FBXL7: variants seen among roughly 807,000 people sequenced by gnomAD.
The protein encoded by FBXL7 is F-box/LRR-repeat protein 7.
Under a neutral mutation model 38.3 loss-of-function variants are expected in FBXL7, and 12 were observed. The ratio of observed to expected loss-of-function variants is 0.31; its 90% CI spans 0.20 to 0.51. The LOEUF is 0.51. Ranked by LOEUF, FBXL7 falls within the 20% of genes least tolerant of loss-of-function variation. The pLI is 0.98. For synonymous variants in FBXL7, 297 were observed against 300.9 expected (o/e 0.99, Z 0.13); for missense variants, 567 against 676.4 (o/e 0.84, Z 1.79).
At chr5:15,851,170 A>C (rs1335376350) in intron 2 of FBXL7, among the ~76,000 whole-genome samples, 2 of 152,208 alleles carry the variant, frequency 1.3e-5, no homozygotes, top group Non-Finnish European at 2.9e-5. Flanking sequence ...GTCCGTTCAC[A>C]ATCACTCCTT....
intron 2 of FBXL7, among the ~76,000 whole-genome samples, chr5:15,695,052 G>C (rs1743292320): frequency 6.6e-6 from 1 of 152,202 alleles, no homozygotes; most frequent in African/African-American, 2.4e-5. Flanking sequence ...AGATATTGCT[G>C]CCTGAGTGTC....
intron 2 of FBXL7, among the ~76,000 whole-genome samples, chr5:15,721,437 G>C (rs1217454834): frequency 6.6e-6 from 1 of 152,026 alleles, no homozygotes; most frequent in African/African-American, 2.4e-5. Flanking sequence ...TAGCAAACAA[G>C]GTTTCAAACA....
rs1742273820 is a variant in FBXL7 at position 15,938,959 on chromosome 5, C to T, written c.*1773C>T. ...ATTTTCTTCTCAAAATGCCCATTATCCAAATGCAGAACCTCTGCATCTCCA... is the reference window on the plus strand; with the variant it reads ...ATTTTCTTCTCAAAATGCCCATTATTCAAATGCAGAACCTCTGCATCTCCA... On this transcript the variant is annotated 3_prime_UTR_variant, in exon 4 of 4. Transcript: ENST00000504595. 2.5e-6 allele frequency: 1 copy of T among 399,048 alleles called. No individual in the cohort carries two copies. Among genetic ancestry groups the T allele is most frequent in the Non-Finnish European group, 4.4e-6 (1 of 226,070 alleles). 24.7% of individuals were successfully genotyped at this position (399,048 alleles called of 1,614,324 possible). A position where few individuals can be genotyped will look rare whatever the true frequency, so the allele number is the denominator to read the frequency against.
chr5:15,722,795 T>C (rs1261318324), intron 2 of FBXL7, among the ~76,000 whole-genome samples: 3 of 151,962 alleles, frequency 2.0e-5, no homozygotes, highest in African/African-American at 7.2e-5. Flanking sequence ...TGGTGGTGCA[T>C]GCCTGTAGTC....
At position 15,500,200 on chromosome 5, in the gene FBXL7, T is replaced by C. The variant is rs1176654619; in HGVS notation, c.-477T>C. 6.6e-6 allele frequency: 1 copy of C among 151,912 alleles called. No individual in the cohort carries two copies. Among genetic ancestry groups the C allele is most frequent in the Non-Finnish European group, 1.5e-5 (1 of 67,934 alleles). 9.4% of individuals were successfully genotyped at this position (151,912 alleles called of 1,614,324 possible). ...GCTGCGCCGGGTCGCTAGTCTTCACTCGCTCCGGGGACCCGCAACAAGTGG... is the reference window on the plus strand; with the variant it reads ...GCTGCGCCGGGTCGCTAGTCTTCACCCGCTCCGGGGACCCGCAACAAGTGG... On this transcript the variant is annotated 5_prime_UTR_variant, in exon 1 of 4. Coordinates refer to ENST00000504595, the MANE Select transcript of FBXL7 (RefSeq NM_012304.5).
At chr5:15,785,139 A>G (rs975467411) in intron 2 of FBXL7, among the ~76,000 whole-genome samples, 6 of 152,208 alleles carry the variant, frequency 3.9e-5, no homozygotes, top group Admixed American at 6.5e-5. Context: ...TTACAAGGTT[A>G]AAAAGAATCA....
chr5:15,656,432 G>A (rs537416503), intron 2 of FBXL7, among the ~76,000 whole-genome samples: 49 of 152,276 alleles, frequency 3.2e-4, no homozygotes, highest in African/African-American at 1.1e-3. Flanking sequence ...GGAGGAGCAC[G>A]TCCCGTCTTA....
chr5:15,602,666 T>C (rs561898948), intron 1 of FBXL7, among the ~76,000 whole-genome samples: 6 of 152,236 alleles, frequency 3.9e-5, no homozygotes, highest in African/African-American at 1.4e-4. Context: ...AAACTAGTAT[T>C]TGTATGTTGG....
At chr5:15,776,260 A>G (rs1057340613) in intron 2 of FBXL7, among the ~76,000 whole-genome samples, 7 of 152,084 alleles carry the variant, frequency 4.6e-5, no homozygotes, top group Non-Finnish European at 7.4e-5. Flanking sequence ...AATCATATAG[A>G]TGAGTATAGT....
chr5:15,893,002 G>C (rs952974380), intron 2 of FBXL7, among the ~76,000 whole-genome samples: 1 of 151,972 alleles, frequency 6.6e-6, no homozygotes, highest in Non-Finnish European at 1.5e-5. Flanking sequence ...TGTAGTCCCA[G>C]CTACTCGGGA....
chr5:15,544,564 A>G (rs1303831207), intron 1 of FBXL7, among the ~76,000 whole-genome samples: 2 of 152,192 alleles, frequency 1.3e-5, no homozygotes, highest in African/African-American at 2.4e-5. Context: ...CATTACACAC[A>G]CACACACACA....
chr5:15,650,857 C>T (rs1288163470), intron 2 of FBXL7, among the ~76,000 whole-genome samples: 3 of 152,102 alleles, frequency 2.0e-5, no homozygotes, highest in African/African-American at 4.8e-5. Context: ...TTGCTATTTC[C>T]ACCACATCTG....
At chr5:15,501,421 A>C (rs1233572659) in intron 1 of FBXL7, 2 of 985,176 alleles carry the variant, frequency 2.0e-6, no homozygotes, top group Non-Finnish European at 2.4e-6. Flanking sequence ...TCTCTCTCCT[A>C]CCTCCTCCCA....
At chr5:15,762,236 T>C (rs377602718) in intron 2 of FBXL7, among the ~76,000 whole-genome samples, 100 of 152,320 alleles carry the variant, frequency 6.6e-4, no homozygotes, top group African/African-American at 2.3e-3. Context: ...TCATGGGACC[T>C]CTCCAACATG....
chr5:15,823,016 C>T lies in FBXL7; in HGVS notation c.128-104874C>T, dbSNP rs553829683. 6.6e-5 allele frequency among the ~76,000 whole-genome samples: 10 copies of T among 152,178 alleles called. No individual in the cohort carries two copies. The East Asian group carries it at 1.2e-3, about 18-fold the overall frequency. On this transcript the variant is annotated intron_variant, in intron 2 of 3. Coordinates refer to ENST00000504595, the MANE Select transcript of FBXL7 (RefSeq NM_012304.5). ...AGATAAATTAAGTTGTCCAGGGCCC[C>T]GCAGTCAATAAAACATAAAGGCTGG... is the stretch of plus-strand genomic sequence containing the variant.
chr5:15,697,733 T>A (rs1260261185), intron 2 of FBXL7, among the ~76,000 whole-genome samples: 3 of 152,126 alleles, frequency 2.0e-5, no homozygotes, highest in South Asian at 2.1e-4. Flanking sequence ...ATTTAAAAAA[T>A]TTGTCTGAAA....
intron 1 of FBXL7, among the ~76,000 whole-genome samples, chr5:15,533,529 T>TA (rs914153516): frequency 3.9e-4 from 59 of 152,084 alleles, no homozygotes; most frequent in African/African-American, 1.4e-3. Flanking sequence ...GGATACTTTA[T>TA]AAAAAAAGAA....
chr5:15,917,206 T>C (rs1157645181), intron 2 of FBXL7, among the ~76,000 whole-genome samples: 2 of 152,216 alleles, frequency 1.3e-5, no homozygotes, highest in Admixed American at 1.3e-4. Flanking sequence ...TTTCCATATA[T>C]GCTCACCACT....
At chr5:15,927,860 G>C in intron 2 of FBXL7, 30 bp from the exon 3 acceptor site, 1 of 1,502,916 alleles carries the variant, frequency 6.7e-7, no homozygotes, top group Non-Finnish European at 8.9e-7. Context: ...AGGCCATCAT[G>C]ATTAACCTTT....
Sources: gnomAD v4.1 joint callset for allele counts (sites outside exome capture counted in the v4.1 genomes callset) on GRCh38, gnomAD v4.1.1 for gene constraint, MANE v1.5 for transcripts, NCBI Gene and HGNC (gene_info 2026-07-23, HGNC 2026-07-21) for gene names.